The following RSRC1 variants were observed in gnomAD, a reference collection of about 807,000 sequenced individuals.
RSRC1 encodes the protein arginine and serine rich coiled-coil 1.
RSRC1 carries 39 observed loss-of-function variants against 49.1 expected under a neutral mutation model. The ratio of observed to expected loss-of-function variants is 0.79; its 90% CI spans 0.61 to 1.04. RSRC1 has a LOEUF of 1.04. Ranked by LOEUF, RSRC1 falls within the 50% of genes least tolerant of loss-of-function variation. The pLI is 0.00. For missense variants in RSRC1, 388 were observed against 402.4 expected (o/e 0.96, Z 0.31); for synonymous variants, 143 against 130.8 (o/e 1.09, Z -0.63).
At chr3:158,268,544 A>G (rs1204067167) in intron 4 of RSRC1, among the ~76,000 whole-genome samples, 1 of 152,218 alleles carries the variant, frequency 6.6e-6, no homozygotes, top group East Asian at 1.9e-4. Flanking sequence ...CCATAGCCAT[A>G]GGAGTGTCCC....
chr3:158,144,824 A>G (rs1252431901), intron 3 of RSRC1, among the ~76,000 whole-genome samples: 1 of 152,094 alleles, frequency 6.6e-6, no homozygotes, highest in African/African-American at 2.4e-5. Flanking sequence ...AATGATCGCC[A>G]TTCTTACTGG....
chr3:158,257,775 C>G (rs969051244), intron 4 of RSRC1, among the ~76,000 whole-genome samples: 6 of 151,898 alleles, frequency 4.0e-5, no homozygotes, highest in Non-Finnish European at 5.9e-5. Context: ...GGTTTATTTT[C>G]TTGCTTTTAT....
At chr3:158,472,828 C>A (rs897956624) in intron 7 of RSRC1, among the ~76,000 whole-genome samples, 1 of 152,146 alleles carries the variant, frequency 6.6e-6, no homozygotes, top group African/African-American at 2.4e-5. Context: ...TTTTGCTGTG[C>A]AGAAGCTCTT....
At chr3:158,454,387 T>C (rs1737206198) in intron 6 of RSRC1, among the ~76,000 whole-genome samples, 1 of 152,166 alleles carries the variant, frequency 6.6e-6, no homozygotes, top group Admixed American at 6.5e-5. Context: ...CTAAGGTACA[T>C]AGTAAACATT....
intron 7 of RSRC1, among the ~76,000 whole-genome samples, chr3:158,521,555 A>G (rs1711674125): frequency 1.3e-5 from 2 of 152,122 alleles, no homozygotes; most frequent in Non-Finnish European, 2.9e-5. Context: ...AGTATACACC[A>G]TATCTTTACT....
At chr3:158,207,985 A>G (rs2108284929) in intron 4 of RSRC1, among the ~76,000 whole-genome samples, 1 of 152,272 alleles carries the variant, frequency 6.6e-6, no homozygotes, top group African/African-American at 2.4e-5. Context: ...TTGGCCTGCT[A>G]ATTTTATTTA....
chr3:158,324,140 TTC>T (rs781091368), intron 5 of RSRC1, among the ~76,000 whole-genome samples: 9 of 152,208 alleles, frequency 5.9e-5, no homozygotes, highest in Non-Finnish European at 1.0e-4. Flanking sequence ...ATTCAATTAT[TTC>T]TCTATTGTTA....
At chr3:158,481,949 A>C (rs1448628673) in intron 7 of RSRC1, among the ~76,000 whole-genome samples, 1 of 152,010 alleles carries the variant, frequency 6.6e-6, no homozygotes, top group Non-Finnish European at 1.5e-5. Context: ...GATTTGTGTA[A>C]TAATTAGAAA....
intron 6 of RSRC1, among the ~76,000 whole-genome samples, chr3:158,412,503 A>G (rs1207280696): frequency 2.6e-5 from 4 of 152,128 alleles, no homozygotes; most frequent in African/African-American, 9.6e-5. Context: ...TATTTTCTAT[A>G]CATATTAAGT....
intron 3 of RSRC1, among the ~76,000 whole-genome samples, chr3:158,127,179 T>C (rs1715683105): frequency 6.6e-6 from 1 of 152,182 alleles, no homozygotes; most frequent in African/African-American, 2.4e-5. Context: ...ATTTGTTTTC[T>C]CAGATTTGGG....
At chr3:158,501,480 T>C (rs1739592599) in intron 7 of RSRC1, among the ~76,000 whole-genome samples, 4 of 152,156 alleles carry the variant, frequency 2.6e-5, no homozygotes, top group Admixed American at 2.6e-4. Context: ...ACTATTATTG[T>C]GTTGCTGTCT....
chr3:158,354,691 CA>C (rs1480651957), intron 5 of RSRC1, among the ~76,000 whole-genome samples, 165 bp from the exon 6 acceptor site: 40 of 152,162 alleles, frequency 2.6e-4, no homozygotes, highest in Non-Finnish European at 5.9e-5. Context: ...ATCATTCTTG[CA>C]TCATATATGC....
chr3:158,173,515 A>G (rs1247733939), intron 3 of RSRC1, among the ~76,000 whole-genome samples: 2 of 151,990 alleles, frequency 1.3e-5, no homozygotes, highest in Non-Finnish European at 2.9e-5. Flanking sequence ...TTACATATTT[A>G]TGTATGTATA....
chr3:158,435,100 G>A (rs562037783), intron 6 of RSRC1, among the ~76,000 whole-genome samples: 109 of 151,940 alleles, frequency 7.2e-4, no homozygotes, highest in African/African-American at 2.5e-3. Flanking sequence ...AATGAAAATA[G>A]TAATGTTGTG....
chr3:158,306,429 A>AAG (rs1727843078), intron 5 of RSRC1, among the ~76,000 whole-genome samples: 1 of 151,940 alleles, frequency 6.6e-6, no homozygotes, highest in Admixed American at 6.6e-5. Context: ...AGTTAATACT[A>AAG]TTACTATATC....
chr3:158,113,269 C>T (rs1472825762), intron 1 of RSRC1, among the ~76,000 whole-genome samples: 1 of 152,148 alleles, frequency 6.6e-6, no homozygotes, highest in Non-Finnish European at 1.5e-5. Flanking sequence ...CCTGTGACAT[C>T]ATCTTCCACA....
At chr3:158,238,575 G>T (rs993137059) in intron 4 of RSRC1, among the ~76,000 whole-genome samples, 6 of 151,498 alleles carry the variant, frequency 4.0e-5, no homozygotes, top group East Asian at 1.9e-4. Context: ...TATTTACAAC[G>T]ATCTGATCTT....
chr3:158,231,137 C>CTTTTTTTTTTTTTT (rs35368661), intron 4 of RSRC1, among the ~76,000 whole-genome samples: 1 of 67,950 alleles, frequency 1.5e-5, no homozygotes, highest in Admixed American at 2.3e-4. Flanking sequence ...TAGTCGTTAG[C>CTTTTTTTTTTTTTT]TTTTTTTTTT....
In RSRC1 at chr3:158,133,761, A is replaced by C. The variant is rs145517853; in HGVS notation, c.320+9770A>C. The stretch of plus-strand genomic sequence containing the variant: ...TATTAGATGCTGATGTGGAAGAAGC[A>C]TTTCAAATACCATCTTCTCATTAAT... On this transcript the variant is annotated intron_variant, in intron 3 of 9. Transcript: ENST00000611884. Among the ~76,000 whole-genome samples the C allele has an allele frequency of 2.6e-5, 4 of 152,352 alleles. No individual in the cohort carries two copies. In the East Asian group the frequency reaches 7.7e-4, roughly 29 times the overall value.
Sources: gnomAD v4.1 joint callset for allele counts (sites outside exome capture counted in the v4.1 genomes callset) on GRCh38, gnomAD v4.1.1 for gene constraint, MANE v1.5 for transcripts, NCBI Gene and HGNC (gene_info 2026-07-23, HGNC 2026-07-21) for gene names.